The following ADAM22 variants were observed in gnomAD, a reference collection of about 807,000 sequenced individuals.
ADAM22 encodes ADAM metallopeptidase domain 22.
Under a neutral mutation model 144.6 loss-of-function variants are expected in ADAM22, and 65 were observed. That is an observed-to-expected ratio of 0.45 (90% CI 0.37 to 0.55). The LOEUF (loss-of-function observed/expected upper bound fraction) is 0.55. Among genes scored for constraint, ADAM22 ranks in the 20% least tolerant of loss-of-function variants. ADAM22 has a pLI of 0.00. For synonymous variants in ADAM22, 391 were observed against 412.6 expected, an observed-to-expected ratio of 0.95 and a Z score of 0.63; for missense variants, 974 against 1,184.9, an observed-to-expected ratio of 0.82 and a Z score of 2.61.
chr7:87,959,519 G>A (rs971668674), intron 2 of ADAM22, among the ~76,000 whole-genome samples: 11 of 152,084 alleles, frequency 7.2e-5, no homozygotes, highest in Admixed American at 3.9e-4. Context: ...TTGCTCTCTG[G>A]TGCTAGTTTT....
At chr7:88,120,215 A>G (rs982018270) in intron 7 of ADAM22, among the ~76,000 whole-genome samples, 1 of 152,108 alleles carries the variant, frequency 6.6e-6, no homozygotes, top group Admixed American at 6.6e-5. Flanking sequence ...TCTAGGGTAC[A>G]TGTGTACAAC....
chr7:88,122,620 G>A (rs1392504698), intron 7 of ADAM22, among the ~76,000 whole-genome samples: 1 of 152,146 alleles, frequency 6.6e-6, no homozygotes, highest in African/African-American at 2.4e-5. Flanking sequence ...GTGTGGATGA[G>A]GGTTTTTGGG....
At chr7:88,064,701 A>G (rs746716458) in intron 3 of ADAM22, among the ~76,000 whole-genome samples, 15 of 152,118 alleles carry the variant, frequency 9.9e-5, no homozygotes, top group Admixed American at 2.0e-4. Flanking sequence ...CTTTCTAAAG[A>G]TTTTATAAAG....
At chr7:88,060,822 G>A (rs893443329) in intron 3 of ADAM22, among the ~76,000 whole-genome samples, 28 of 151,012 alleles carry the variant, frequency 1.9e-4, no homozygotes, top group African/African-American at 6.1e-4. Context: ...GAAGTGACTC[G>A]GCCAGGTGCA....
At chr7:88,188,976 G>T (rs1848970006) in intron 30 of ADAM22, among the ~76,000 whole-genome samples, 1 of 152,222 alleles carries the variant, frequency 6.6e-6, no homozygotes, top group Non-Finnish European at 1.5e-5. Flanking sequence ...TTACACCCCT[G>T]TGGTGTTGGC....
intron 3 of ADAM22, among the ~76,000 whole-genome samples, chr7:88,063,302 A>G (rs1810381777): frequency 6.6e-6 from 1 of 152,226 alleles, no homozygotes; most frequent in Non-Finnish European, 1.5e-5. Flanking sequence ...AACACCTAGA[A>G]AAAACAGTAG....
chr7:88,146,242 G>A (rs139265283), intron 17 of ADAM22, among the ~76,000 whole-genome samples: 79 of 152,266 alleles, frequency 5.2e-4, no homozygotes, highest in African/African-American at 1.9e-3. Context: ...CAGGCACTTA[G>A]ACAGTAATTG....
intron 3 of ADAM22, among the ~76,000 whole-genome samples, chr7:88,029,181 T>G (rs1799686015): frequency 6.6e-6 from 1 of 152,098 alleles, no homozygotes; most frequent in Admixed American, 6.5e-5. Context: ...GTCTTCTTTT[T>G]AATCACTGTG....
intron 2 of ADAM22, among the ~76,000 whole-genome samples, chr7:87,969,857 G>T (rs1030392137): frequency 6.6e-6 from 1 of 152,246 alleles, no homozygotes; most frequent in South Asian, 2.1e-4. Context: ...TAAAGATAAT[G>T]TGTAAATTAG....
At chr7:88,122,396 CAGAG>C (rs932277967) in intron 7 of ADAM22, among the ~76,000 whole-genome samples, 3 of 152,274 alleles carry the variant, frequency 2.0e-5, no homozygotes, top group African/African-American at 7.2e-5. Context: ...TACTCACACT[CAGAG>C]AGAGGGCATT....
chr7:88,156,144 T>A, intron 22 of ADAM22, 138 bp downstream of exon 22: 1 of 870,070 alleles, frequency 1.1e-6, no homozygotes, highest in East Asian at 2.7e-5. Context: ...ATTGAGTAAA[T>A]CCTAACAGAG....
At position 87,935,203 on chromosome 7, in the gene ADAM22, G is replaced by C. The variant is rs1840942398; in HGVS notation, c.246+17G>C. ...GGCCCGCAGGTGAGAGGCTCGGTCC[G>C]GGAGGTGGTCCTCCGCGCCTCCCGG... On this transcript the variant is annotated intron_variant, in intron 2 of 31. Coordinates refer to ENST00000413139, the MANE Select transcript of ADAM22 (RefSeq NM_001324418.2). The C allele has an allele frequency of 4.4e-6, 7 of 1,573,262 alleles. No individual in the cohort carries two copies. The Admixed American group carries it at 7.3e-5, about 16-fold the overall frequency.
intron 30 of ADAM22, among the ~76,000 whole-genome samples, chr7:88,192,825 G>A (rs575852231): frequency 6.6e-6 from 1 of 152,042 alleles, no homozygotes; most frequent in Non-Finnish European, 1.5e-5. Flanking sequence ...CATCCCTTCT[G>A]CATTTTAGCT....
At chr7:88,137,497 C>T (rs1833291318) in intron 14 of ADAM22, among the ~76,000 whole-genome samples, 1 of 152,130 alleles carries the variant, frequency 6.6e-6, no homozygotes, top group African/African-American at 2.4e-5. Flanking sequence ...AATACTTGCT[C>T]ACCATAATTG....
intron 7 of ADAM22, among the ~76,000 whole-genome samples, chr7:88,118,998 G>A (rs1227131572): frequency 6.6e-6 from 1 of 152,210 alleles, no homozygotes; most frequent in Non-Finnish European, 1.5e-5. Flanking sequence ...TAACTGGGTT[G>A]TAGATTATCA....
At chr7:88,116,589 G>A (rs1372427320) in intron 6 of ADAM22, among the ~76,000 whole-genome samples, 156 bp from the exon 7 acceptor site, 1 of 152,186 alleles carries the variant, frequency 6.6e-6, no homozygotes, top group African/African-American at 2.4e-5. Flanking sequence ...ATACAGGAGA[G>A]AATAGGAGGG....
chr7:88,135,204 G>C (rs961361575), intron 13 of ADAM22, among the ~76,000 whole-genome samples: 9 of 142,076 alleles, frequency 6.3e-5, no homozygotes, highest in Non-Finnish European at 1.5e-5. Flanking sequence ...CTTGAACCCA[G>C]GAGGCGGAGG....
chr7:88,122,229 C>A (rs1005357473), intron 7 of ADAM22, among the ~76,000 whole-genome samples: 1 of 152,176 alleles, frequency 6.6e-6, no homozygotes, highest in Non-Finnish European at 1.5e-5. Context: ...TAGGCCTCTC[C>A]ATAGGGAAGC....
chr7:88,023,135 C>T (rs1042357284), intron 3 of ADAM22, among the ~76,000 whole-genome samples: 4 of 152,030 alleles, frequency 2.6e-5, no homozygotes, highest in African/African-American at 7.2e-5. Flanking sequence ...TTCTTTTCTT[C>T]CTTCGTTTTA....
Sources: allele counts gnomAD v4.1 joint callset (sites outside exome capture counted in the v4.1 genomes callset), GRCh38; gene constraint gnomAD v4.1.1; transcripts MANE v1.5; gene names NCBI Gene and HGNC (gene_info 2026-07-23, HGNC 2026-07-21).